Variants in NRXN3 observed in about 807,000 individuals in gnomAD.
NRXN3 encodes the protein neurexin 3.
In NRXN3, 32 loss-of-function variants were observed where a neutral mutation model predicts 137.6. The observed-to-expected ratio is 0.23, with a 90% CI of 0.18 to 0.31. NRXN3 has a LOEUF of 0.31. Ranked by LOEUF, NRXN3 falls within the 10% of genes least tolerant of loss-of-function variation. The probability of loss-of-function intolerance (pLI) is 1.00; values close to 1 mark genes in which losing one functional copy is unlikely to be tolerated. For synonymous variants in NRXN3, 798 were observed against 784.5 expected, an observed-to-expected ratio of 1.02 and a Z score of -0.29; for missense variants, 1,574 against 2,062.5, an observed-to-expected ratio of 0.76 and a Z score of 4.59.
At chr14:78,842,194 A>G (rs2099014437) in intron 10 of NRXN3, among the ~76,000 whole-genome samples, 1 of 152,024 alleles carries the variant, frequency 6.6e-6, no homozygotes, top group South Asian at 2.1e-4. Flanking sequence ...TATTTCCTTT[A>G]ATCTGGTCAT....
At chr14:78,576,222 T>C (rs8017049) in intron 4 of NRXN3, among the ~76,000 whole-genome samples, 31,451 of 152,148 alleles carry the variant, frequency 0.21, 5,827 homozygotes, top group African/African-American at 0.5. Context: ...ACCTTTTCTC[T>C]TGGCATTTGT....
At chr14:78,752,786 G>A (rs754021246) in intron 8 of NRXN3, among the ~76,000 whole-genome samples, 1 of 152,192 alleles carries the variant, frequency 6.6e-6, no homozygotes, top group Non-Finnish European at 1.5e-5. Flanking sequence ...ATGGTGCTTG[G>A]CTGCAAGGGT....
At chr14:79,757,064 C>G (rs2139283214) in intron 19 of NRXN3, among the ~76,000 whole-genome samples, 1 of 152,234 alleles carries the variant, frequency 6.6e-6, no homozygotes, top group Middle Eastern at 3.4e-3. Context: ...ACCTTCAGAA[C>G]CAGGTGAGCT....
intron 15 of NRXN3, among the ~76,000 whole-genome samples, chr14:79,306,979 A>C (rs2086195608): frequency 6.6e-6 from 1 of 152,058 alleles, no homozygotes; most frequent in Non-Finnish European, 1.5e-5. Flanking sequence ...TCTCCTTAAG[A>C]AGGGTCATTC....
intron 8 of NRXN3, among the ~76,000 whole-genome samples, chr14:78,792,509 T>A (rs1469708376): frequency 1.3e-5 from 2 of 152,092 alleles, no homozygotes; most frequent in African/African-American, 4.8e-5. Flanking sequence ...ACCTAAGTAC[T>A]TCAACAAAGA....
chr14:79,362,592 C>T (rs1472138294), intron 15 of NRXN3, among the ~76,000 whole-genome samples: 1 of 152,106 alleles, frequency 6.6e-6, no homozygotes, highest in Admixed American at 6.6e-5. Context: ...AGGACCCAAC[C>T]AGAAATTGGA....
intron 8 of NRXN3, among the ~76,000 whole-genome samples, chr14:78,794,122 C>G (rs926978000): frequency 5.9e-5 from 9 of 152,052 alleles, no homozygotes; most frequent in Non-Finnish European, 1.3e-4. Context: ...GGCTCAAACC[C>G]GTAATCACAA....
rs536763943 is a variant in NRXN3 at position 78,942,090 on chromosome 14, A to G, written c.2276-15152A>G. ...TAATGGAAAGTGTGATGGGGAGCCA[A>G]TGTGGCACAGTAGCTCAGAGTGTGG... On this transcript the variant is annotated intron_variant, in intron 10 of 20. Coordinates refer to ENST00000335750, the MANE Select transcript of NRXN3 (RefSeq NM_001330195.2). Among the ~76,000 whole-genome samples, 4 of 152,348 alleles carry G rather than the reference A, an allele frequency of 2.6e-5. No homozygotes were observed. The East Asian group carries it at 5.8e-4, about 22-fold the overall frequency.
At chr14:79,486,272 T>C (rs7143137) in intron 16 of NRXN3, among the ~76,000 whole-genome samples, 10,862 of 152,196 alleles carry the variant, frequency 0.071, 691 homozygotes, top group East Asian at 0.35. Flanking sequence ...ATGTTTTTGG[T>C]TGTCTATACA....
rs541409534 is a variant in NRXN3 at position 78,778,125 on chromosome 14, A to G, written c.2045-25495A>G. ...ATAAATTGAAAATAAATATGATTAC[A>G]TTAAAACTAAGCTCAGTACTTTAAG... is the stretch of plus-strand genomic sequence containing the variant. On this transcript the variant is annotated intron_variant, in intron 8 of 20. Transcript: ENST00000335750. 1.3e-4 allele frequency among the ~76,000 whole-genome samples: 20 copies of G among 152,340 alleles called. No individual in the cohort carries two copies. In the South Asian group the frequency reaches 1.7e-3, roughly 13 times the overall value.
rs2073500331 is a variant in NRXN3, at chr14:79,237,057, A to G, written c.3263-230164A>G. 2.0e-5 allele frequency among the ~76,000 whole-genome samples: 3 copies of G among 151,130 alleles called. No individual in the cohort carries two copies. In the South Asian group the frequency reaches 6.3e-4, roughly 32 times the overall value. On this transcript the variant is annotated intron_variant, in intron 15 of 20. Coordinates refer to ENST00000335750, the MANE Select transcript of NRXN3 (RefSeq NM_001330195.2). Reference sequence around the variant, plus strand: ...ATATATAAACCACTGCACACTAATTATACTGTATGGTGTCACAAGGGTGTT... The same window carrying G: ...ATATATAAACCACTGCACACTAATTGTACTGTATGGTGTCACAAGGGTGTT...
At chr14:79,680,726 T>A (rs1373603278) in intron 17 of NRXN3, among the ~76,000 whole-genome samples, 1 of 152,136 alleles carries the variant, frequency 6.6e-6, no homozygotes, top group African/African-American at 2.4e-5. Context: ...TGTGAAATCA[T>A]GTATGGAATG....
At chr14:78,590,512 A>C (rs193065571) in intron 4 of NRXN3, among the ~76,000 whole-genome samples, 2 of 152,164 alleles carry the variant, frequency 1.3e-5, no homozygotes, top group African/African-American at 4.8e-5. Context: ...TTCCTAAAGG[A>C]AAGTTTGATA....
chr14:78,907,915 A>G (rs957718980), intron 10 of NRXN3, among the ~76,000 whole-genome samples: 2 of 152,072 alleles, frequency 1.3e-5, no homozygotes, highest in African/African-American at 2.4e-5. Context: ...TTCCTGCATT[A>G]GTTTGCTAAG....
intron 15 of NRXN3, among the ~76,000 whole-genome samples, chr14:79,295,327 G>T (rs1054498057): frequency 2.0e-5 from 3 of 151,778 alleles, no homozygotes; most frequent in African/African-American, 7.3e-5. Flanking sequence ...ATCCCCTCAA[G>T]AGCCCTTCCT....
chr14:79,027,911 C>G (rs557224333), intron 15 of NRXN3, among the ~76,000 whole-genome samples: 1 of 152,244 alleles, frequency 6.6e-6, no homozygotes, highest in South Asian at 2.1e-4. Flanking sequence ...GTTGGGTAGT[C>G]TAGAACATAA....
chr14:78,535,888 G>T (rs571104373), intron 4 of NRXN3, among the ~76,000 whole-genome samples: 1 of 152,272 alleles, frequency 6.6e-6, no homozygotes, highest in African/African-American at 2.4e-5. Context: ...AATGCTATTT[G>T]TGGTGGGATG....
intron 10 of NRXN3, among the ~76,000 whole-genome samples, chr14:78,845,546 C>T (rs1343244809): frequency 6.6e-6 from 1 of 151,984 alleles, no homozygotes; most frequent in African/African-American, 2.4e-5. Context: ...TTCTGCTCCT[C>T]CTTCCTGCTT....
chr14:79,099,963 A>G lies in NRXN3; in HGVS notation c.3262+111822A>G, dbSNP rs960551511. Among the ~76,000 whole-genome samples the G allele has an allele frequency of 3.9e-5, 6 of 152,326 alleles. No individual in the cohort carries two copies. In the South Asian group the frequency reaches 8.3e-4, roughly 21 times the overall value. ...GAAGTCTGAAAAACAGCATTTGGCA[A>G]GGGAATGACCCAAACAGAATAATTT... On this transcript the variant is annotated intron_variant, in intron 15 of 20. Coordinates refer to ENST00000335750, the MANE Select transcript of NRXN3 (RefSeq NM_001330195.2).
Sources: allele counts gnomAD v4.1 joint callset (sites outside exome capture counted in the v4.1 genomes callset), GRCh38; gene constraint gnomAD v4.1.1; transcripts MANE v1.5; gene names NCBI Gene and HGNC (gene_info 2026-07-23, HGNC 2026-07-21).